Variants in ELP4 observed in about 807,000 individuals in gnomAD.
ELP4 encodes elongator acetyltransferase complex subunit 4.
Under a neutral mutation model 48.9 loss-of-function variants are expected in ELP4, and 51 were observed. The observed-to-expected ratio is 1.04, with a 90% CI of 0.83 to 1.32. The LOEUF is 1.32. ELP4 is among the 40% of genes most tolerant of loss of function. ELP4 has a pLI of 0.00. For synonymous variants in ELP4, 210 were observed against 189.2 expected, an observed-to-expected ratio of 1.11 and a Z score of -0.90; for missense variants, 519 against 514.6, an observed-to-expected ratio of 1.01 and a Z score of -0.08.
intron 9 of ELP4, among the ~76,000 whole-genome samples, chr11:31,713,656 C>G (rs1946785649): frequency 6.6e-6 from 1 of 152,106 alleles, no homozygotes; most frequent in Non-Finnish European, 1.5e-5. Context: ...GAGGTAAACT[C>G]AATTCCACCA....
At chr11:31,569,164 A>G (rs1201659087) in intron 3 of ELP4, among the ~76,000 whole-genome samples, 2 of 152,194 alleles carry the variant, frequency 1.3e-5, no homozygotes, top group Non-Finnish European at 2.9e-5. Flanking sequence ...AAGAAATCCT[A>G]GGCGATACCC....
chr11:31,761,071 T>C (rs2134253806), intron 9 of ELP4, among the ~76,000 whole-genome samples: 1 of 152,272 alleles, frequency 6.6e-6, no homozygotes, highest in Non-Finnish European at 1.5e-5. Flanking sequence ...TTTTATCAAC[T>C]CAATGGCAAG....
chr11:31,540,691 T>G (rs910526403), intron 3 of ELP4, among the ~76,000 whole-genome samples: 1 of 152,170 alleles, frequency 6.6e-6, no homozygotes, highest in Non-Finnish European at 1.5e-5. Context: ...CATATAAAAA[T>G]TATTATATCT....
rs559543311 is a variant in ELP4 at position 31,618,412 on chromosome 11, G to A, written c.654-8698G>A. On this transcript the variant is annotated intron_variant, in intron 5 of 9. Coordinates refer to ENST00000640961, the MANE Select transcript of ELP4 (RefSeq NM_019040.5). ...AGTTTGAACACTGCACTTTCCAGAG[G>A]GGAGGAACCCTGTTCCTCACATGGC... Among the ~76,000 whole-genome samples, 3 of 152,138 alleles carry A rather than the reference G, an allele frequency of 2.0e-5. No individual in the cohort carries two copies. The South Asian group carries it at 6.2e-4, about 32-fold the overall frequency.
chr11:31,737,414 C>T (rs1017066833), intron 9 of ELP4, among the ~76,000 whole-genome samples: 7 of 151,958 alleles, frequency 4.6e-5, no homozygotes, highest in South Asian at 2.1e-4. Context: ...CACATGTATA[C>T]GTATGTAACA....
chr11:31,561,572 T>G (rs1957025339), intron 3 of ELP4, among the ~76,000 whole-genome samples: 1 of 152,078 alleles, frequency 6.6e-6, no homozygotes, highest in African/African-American at 2.4e-5. Context: ...CTCCTCCAAG[T>G]AGCTGGGATT....
intron 9 of ELP4, chr11:31,662,956 G>T: frequency 5.8e-6 from 1 of 171,088 alleles, no homozygotes; most frequent in Non-Finnish European, 1.2e-5. Flanking sequence ...TTTCTTAGGG[G>T]CACCTCATTT....
intron 9 of ELP4, among the ~76,000 whole-genome samples, chr11:31,770,314 C>T (rs111947050): frequency 1.2e-4 from 19 of 152,076 alleles, no homozygotes; most frequent in African/African-American, 4.3e-4. Flanking sequence ...ATCAAGTAAC[C>T]GATTTAGACA....
At chr11:31,713,780 A>C (rs935479460) in intron 9 of ELP4, among the ~76,000 whole-genome samples, 1 of 152,168 alleles carries the variant, frequency 6.6e-6, no homozygotes, top group Non-Finnish European at 1.5e-5. Flanking sequence ...AAAATTTCAA[A>C]CATACACAAA....
Position 31,611,126 on chromosome 11 carries a change from C to T in ELP4, c.653+7219C>T, listed in dbSNP as rs541863847. On this transcript the variant is annotated intron_variant, in intron 5 of 9. Coordinates refer to ENST00000640961, the MANE Select transcript of ELP4 (RefSeq NM_019040.5). ...CTTTGGTCCTTGCTCCTTGTTGGCTCCTGTTTTTCTTCAACATAGCCCTAG... is the reference window on the plus strand; with the variant it reads ...CTTTGGTCCTTGCTCCTTGTTGGCTTCTGTTTTTCTTCAACATAGCCCTAG... Among the ~76,000 whole-genome samples, 26 of 152,222 alleles carry T rather than the reference C, an allele frequency of 1.7e-4. No homozygotes were observed. The East Asian group carries it at 4.6e-3, about 27-fold the overall frequency.
intron 9 of ELP4, among the ~76,000 whole-genome samples, chr11:31,674,855 C>T (rs767858739): frequency 2.0e-5 from 3 of 152,062 alleles, no homozygotes; most frequent in Non-Finnish European, 2.9e-5. Flanking sequence ...ACATTCTGTC[C>T]ATATTAGTAA....
intron 1 of ELP4, among the ~76,000 whole-genome samples, chr11:31,516,298 T>C (rs923848883): frequency 2.6e-5 from 4 of 152,208 alleles, no homozygotes; most frequent in Non-Finnish European, 5.9e-5. Context: ...ATAATGTCTC[T>C]TGTATGCTTA....
chr11:31,764,208 A>G (rs1174113708), intron 9 of ELP4, among the ~76,000 whole-genome samples: 1 of 152,182 alleles, frequency 6.6e-6, no homozygotes, highest in African/African-American at 2.4e-5. Context: ...ACACAATTAA[A>G]GGCTGGTTAC....
chr11:31,559,884 C>T (rs1956986881), intron 3 of ELP4, among the ~76,000 whole-genome samples: 1 of 127,328 alleles, frequency 7.9e-6, no homozygotes, highest in Non-Finnish European at 1.6e-5. Context: ...GCAGCCTGGG[C>T]AACAAGAGCA....
intron 3 of ELP4, among the ~76,000 whole-genome samples, chr11:31,554,413 G>A (rs958504125): frequency 5.3e-5 from 8 of 151,626 alleles, no homozygotes; most frequent in Admixed American, 3.9e-4. Context: ...CAGCTTTATT[G>A]AGATGTAATT....
chr11:31,553,716 GCACACACAAACA>G (rs1241131101), intron 3 of ELP4, among the ~76,000 whole-genome samples: 1 of 97,386 alleles, frequency 1.0e-5, no homozygotes, highest in Non-Finnish European at 2.0e-5. Flanking sequence ...AAATCTCTTT[GCACACACAAACA>G]CACACACACA....
At position 31,783,413 on chromosome 11, in the gene ELP4, C is replaced by T. The variant is rs1948424994; in HGVS notation, c.1164C>T (p.Asp388=). The change falls in exon 10 of 10, where the codon GAC becomes GAT. Residue 388 remains aspartate, a synonymous_variant. Transcript: ENST00000640961. ...CATAGCGACTGCATTTGCCTCCAGA[C>T]TTGTCAGACACAGTGAGCCGCTCAA... is the stretch of plus-strand genomic sequence containing the variant. ...FTIERLHLPP[D]LSDTVSRSSK... is the part of the protein sequence containing the mutation. 2 of 1,613,780 alleles carry T rather than the reference C, an allele frequency of 1.2e-6. No individual in the cohort carries two copies. Among genetic ancestry groups the T allele is most frequent in the Non-Finnish European group, 8.5e-7 (1 of 1,179,824 alleles).
chr11:31,604,468 G>A (rs7929533), intron 5 of ELP4, among the ~76,000 whole-genome samples: 92,567 of 151,598 alleles, frequency 0.61, 31,818 homozygotes, highest in Non-Finnish European at 0.76. Context: ...TCAAAACAAT[G>A]CAACATGTTT....
At chr11:31,664,054 A>T (rs1320852934) in intron 9 of ELP4, 1 of 152,170 alleles carries the variant, frequency 6.6e-6, no homozygotes, top group Non-Finnish European at 1.5e-5. Context: ...TAGTGTTTTC[A>T]GCCTAATAAA....
Sources: gnomAD v4.1 joint callset for allele counts (sites outside exome capture counted in the v4.1 genomes callset) on GRCh38, gnomAD v4.1.1 for gene constraint, MANE v1.5 for transcripts, NCBI Gene and HGNC (gene_info 2026-07-23, HGNC 2026-07-21) for gene names.